CDH18: variants seen among roughly 807,000 people sequenced by gnomAD.
CDH18 encodes cadherin-18.
A neutral mutation model predicts 67.9 loss-of-function variants in CDH18; 31 were observed. That is an observed-to-expected ratio of 0.46 (90% CI 0.34 to 0.62). The LOEUF (loss-of-function observed/expected upper bound fraction) is 0.62, where lower values mean the gene tolerates loss of function less well. CDH18 is among the 20% of genes least tolerant of loss of function. The probability of loss-of-function intolerance (pLI) is 0.01; values close to 1 mark genes in which losing one functional copy is unlikely to be tolerated. For missense variants in CDH18, 890 were observed against 975.5 expected (o/e 0.91, Z 1.17); for synonymous variants, 362 against 347.2 (o/e 1.04, Z -0.48).
chr5:19,966,531 A>C (rs972281273), intron 2 of CDH18, among the ~76,000 whole-genome samples: 4 of 152,162 alleles, frequency 2.6e-5, no homozygotes, highest in African/African-American at 9.6e-5. Context: ...TGATATATTT[A>C]GCAAATCACC....
At chr5:19,698,851 T>C (rs947654319) in intron 5 of CDH18, among the ~76,000 whole-genome samples, 1 of 152,094 alleles carries the variant, frequency 6.6e-6, no homozygotes, top group Admixed American at 6.6e-5. Context: ...CATCTCAGGT[T>C]TGATTCAAAG....
At chr5:19,834,030 C>T (rs1199044102) in intron 3 of CDH18, among the ~76,000 whole-genome samples, 1 of 151,972 alleles carries the variant, frequency 6.6e-6, no homozygotes, top group East Asian at 1.9e-4. Context: ...ATGCCGGCTT[C>T]ATAAAATGAG....
In CDH18 at chr5:20,501,462, TTATA is replaced by T. The variant is rs540353249; in HGVS notation, c.-580+73996_-580+73999del. 2.3e-3 allele frequency among the ~76,000 whole-genome samples: 239 copies of T among 102,144 alleles called. 10 individuals are homozygous for T. The South Asian group carries it at 0.055, about 24-fold the overall frequency. The allele number at this position is 102,144 out of a possible 152,430, so 67.0% of individuals were successfully genotyped here. On this transcript the variant is annotated intron_variant, in intron 1 of 14. Transcript: ENST00000507958. ...TATATACATATATTTTATATACATATTATATATATTATATACATATTATATATAT... is the reference window on the plus strand; with the variant it reads ...TATATACATATATTTTATATACATATTATATTATATACATATTATATATAT...
intron 1 of CDH18, among the ~76,000 whole-genome samples, chr5:20,339,321 T>C (rs2150040682): frequency 6.6e-6 from 1 of 152,280 alleles, no homozygotes; most frequent in Admixed American, 6.5e-5. Flanking sequence ...GTATTAATTT[T>C]AACACCATCC....
rs920685060 is a variant in CDH18, at chr5:20,425,381, AT to A, written c.-580+150080del. 4.0e-4 allele frequency among the ~76,000 whole-genome samples: 60 copies of A among 151,116 alleles called. 4 individuals carry two copies. Among genetic ancestry groups the A allele is most frequent in the African/African-American group, 1.5e-3 (59 of 40,510 alleles). On this transcript the variant is annotated intron_variant, in intron 1 of 14. Transcript: ENST00000507958. ...GTGAGACTCTGTCTCAAAAAAATAA[AT>A]AAAAATAAGGCAATATAAACTCTAG...
In CDH18 at chr5:19,498,583, C is replaced by T. The variant is rs571970062; in HGVS notation, c.1630+4409G>A. ...ATCACTCATGTTAAAAAGTTAGTTTCGCTATCTTCCATTGAAATTATGATT... is the reference window on the plus strand; with the variant it reads ...ATCACTCATGTTAAAAAGTTAGTTTTGCTATCTTCCATTGAAATTATGATT... On this transcript the variant is annotated intron_variant, in intron 11 of 12. Transcript: ENST00000382275. Among the ~76,000 whole-genome samples the T allele has an allele frequency of 6.6e-5, 10 of 152,264 alleles. No homozygotes were observed. In the South Asian group the frequency reaches 8.3e-4, roughly 13 times the overall value.
chr5:19,850,614 G>GTA, intron 2 of CDH18, among the ~76,000 whole-genome samples: 1 of 151,860 alleles, frequency 6.6e-6, no homozygotes, highest in Admixed American at 6.6e-5. Context: ...CCGATAAATT[G>GTA]TATTTTGATA....
chr5:19,662,192 A>G (rs1264939844), intron 5 of CDH18, among the ~76,000 whole-genome samples: 1 of 151,712 alleles, frequency 6.6e-6, no homozygotes, highest in Non-Finnish European at 1.5e-5. Flanking sequence ...AATCCCTAAC[A>G]AAGATATATA....
At chr5:20,200,503 A>C (rs143683771) in intron 2 of CDH18, among the ~76,000 whole-genome samples, 5 of 151,878 alleles carry the variant, frequency 3.3e-5, no homozygotes, top group African/African-American at 1.2e-4. Flanking sequence ...GTGAAAACTT[A>C]TCTCTACAAA....
intron 2 of CDH18, among the ~76,000 whole-genome samples, chr5:20,168,456 A>G (rs1334544294): frequency 6.6e-6 from 1 of 152,108 alleles, no homozygotes; most frequent in African/African-American, 2.4e-5. Context: ...AAAAGAATAG[A>G]AAATTCTTAA....
chr5:19,918,983 T>C (rs1792139647), intron 2 of CDH18, among the ~76,000 whole-genome samples: 1 of 152,064 alleles, frequency 6.6e-6, no homozygotes, highest in African/African-American at 2.4e-5. Flanking sequence ...GACCAGAAGA[T>C]TAGAACGTTC....
chr5:19,525,205 C>T (rs1025155376), intron 9 of CDH18, among the ~76,000 whole-genome samples: 1 of 152,206 alleles, frequency 6.6e-6, no homozygotes, highest in Non-Finnish European at 1.5e-5. Flanking sequence ...TCACCTCTCA[C>T]TGTCCTACCT....
At chr5:20,131,866 A>G (rs561738986) in intron 2 of CDH18, among the ~76,000 whole-genome samples, 4 of 152,106 alleles carry the variant, frequency 2.6e-5, no homozygotes, top group East Asian at 3.9e-4. Flanking sequence ...ATAGCTTTAC[A>G]ATAAAGTGTT....
chr5:19,600,354 A>G (rs1386768635), intron 6 of CDH18, among the ~76,000 whole-genome samples: 1 of 151,766 alleles, frequency 6.6e-6, no homozygotes. Context: ...ATAATAATTA[A>G]AAATAAAAAT....
At chr5:20,054,388 C>A (rs1741723021) in intron 2 of CDH18, among the ~76,000 whole-genome samples, 1 of 151,994 alleles carries the variant, frequency 6.6e-6, no homozygotes, top group South Asian at 2.1e-4. Flanking sequence ...TATCTTATAC[C>A]TTTTCTTCCT....
At chr5:20,072,439 A>C (rs576189972) in intron 2 of CDH18, among the ~76,000 whole-genome samples, 2 of 152,118 alleles carry the variant, frequency 1.3e-5, no homozygotes, top group African/African-American at 4.8e-5. Context: ...AAAAATTCAC[A>C]CCTTTGAGAT....
At chr5:20,346,027 T>C (rs1740668346) in intron 1 of CDH18, among the ~76,000 whole-genome samples, 1 of 152,170 alleles carries the variant, frequency 6.6e-6, no homozygotes, top group South Asian at 2.1e-4. Flanking sequence ...CTAAATATGA[T>C]TAATATATTC....
At chr5:20,079,004 G>A (rs1744213539) in intron 2 of CDH18, among the ~76,000 whole-genome samples, 1 of 152,118 alleles carries the variant, frequency 6.6e-6, no homozygotes. Flanking sequence ...TGTATACATT[G>A]CAGAATGACC....
At chr5:19,630,396 AT>A (rs1752253590) in intron 5 of CDH18, among the ~76,000 whole-genome samples, 1 of 152,102 alleles carries the variant, frequency 6.6e-6, no homozygotes, top group East Asian at 1.9e-4. Context: ...AACATTTGCT[AT>A]GGTAGCTTTG....
Sources: allele counts gnomAD v4.1 joint callset (sites outside exome capture counted in the v4.1 genomes callset), GRCh38; gene constraint gnomAD v4.1.1; transcripts MANE v1.5; gene names NCBI Gene and HGNC (gene_info 2026-07-23, HGNC 2026-07-21).